Variants in QTMAN observed in about 807,000 individuals in gnomAD.
The protein encoded by QTMAN is queuosine-tRNA mannosyltransferase.
the QTMAN span, among the ~76,000 whole-genome samples, chr2:144,295,877 G>A: frequency 6.6e-6 from 1 of 151,924 alleles, no homozygotes; most frequent in Admixed American, 6.6e-5. Context: ...TAGGATGACG[G>A]GCATGAACCA....
chr2:144,210,531 G>A, the QTMAN span, among the ~76,000 whole-genome samples: 1 of 152,148 alleles, frequency 6.6e-6, no homozygotes, highest in Non-Finnish European at 1.5e-5. Flanking sequence ...TTCCTTGTCA[G>A]TAGCTTGCAT....
chr2:144,243,596 A>C, the QTMAN span, among the ~76,000 whole-genome samples: 1 of 152,250 alleles, frequency 6.6e-6, no homozygotes, highest in Non-Finnish European at 1.5e-5. Flanking sequence ...ACGACTTGAA[A>C]GGTCACTTGG....
the QTMAN span, among the ~76,000 whole-genome samples, chr2:144,164,122 C>A: frequency 4.0e-3 from 605 of 152,184 alleles, 5 homozygotes; most frequent in African/African-American, 0.014. Context: ...GGGGGTTTCA[C>A]CATATTGGCC....
the QTMAN span, among the ~76,000 whole-genome samples, chr2:144,021,941 C>A: frequency 6.6e-6 from 1 of 151,978 alleles, no homozygotes; most frequent in Non-Finnish European, 1.5e-5. Flanking sequence ...GTCAACAGAT[C>A]TCTCACATTT....
chr2:144,258,945 A>T, the QTMAN span, among the ~76,000 whole-genome samples: 1 of 152,224 alleles, frequency 6.6e-6, no homozygotes, highest in Non-Finnish European at 1.5e-5. Flanking sequence ...TTATCAAGTA[A>T]AAAGAAAAGA....
At chr2:143,957,974 C>A in the QTMAN span, among the ~76,000 whole-genome samples, 1 of 152,220 alleles carries the variant, frequency 6.6e-6, no homozygotes, top group South Asian at 2.1e-4. Flanking sequence ...CAAAATGATA[C>A]CTGCTCATCA....
At chr2:143,953,368 G>T in the QTMAN span, among the ~76,000 whole-genome samples, 241 of 151,884 alleles carry the variant, frequency 1.6e-3, no homozygotes, top group African/African-American at 5.5e-3. Flanking sequence ...AAAACAATTT[G>T]TTATTATGCA....
At chr2:144,062,733 A>G in the QTMAN span, among the ~76,000 whole-genome samples, 1 of 152,226 alleles carries the variant, frequency 6.6e-6, no homozygotes, top group African/African-American at 2.4e-5. Context: ...TTTCAATGCA[A>G]TAACTAGGTA....
chr2:144,245,205 G>A, the QTMAN span, among the ~76,000 whole-genome samples: 1 of 152,152 alleles, frequency 6.6e-6, no homozygotes, highest in African/African-American at 2.4e-5. Flanking sequence ...AAGCATCTTG[G>A]AAAGTAAAGA....
the QTMAN span, among the ~76,000 whole-genome samples, chr2:144,060,476 G>T: frequency 6.6e-6 from 1 of 152,090 alleles, no homozygotes; most frequent in East Asian, 1.9e-4. Flanking sequence ...GGCCAGGCTG[G>T]TCTCAAACTC....
the QTMAN span, among the ~76,000 whole-genome samples, chr2:144,035,160 AGT>A: frequency 1.3e-5 from 2 of 152,150 alleles, no homozygotes; most frequent in Admixed American, 1.3e-4. Flanking sequence ...GTCATTTAAA[AGT>A]GTGTGTCGTC....
the QTMAN span, among the ~76,000 whole-genome samples, chr2:144,192,701 TG>T: frequency 3.3e-5 from 5 of 152,250 alleles, no homozygotes; most frequent in African/African-American, 1.2e-4. Context: ...TCAGCATATT[TG>T]TAAGTTTCAA....
chr2:144,172,621 CAAA>C, the QTMAN span, among the ~76,000 whole-genome samples: 13 of 51,360 alleles, frequency 2.5e-4, no homozygotes, highest in African/African-American at 2.3e-4. Flanking sequence ...AAGACTCTGT[CAAA>C]AAAAAAAAAA....
the QTMAN span, chr2:144,177,192 C>T: frequency 1.3e-3 from 915 of 701,438 alleles, 1 homozygote; most frequent in Non-Finnish European, 1.8e-3. Context: ...AAATCCAAAC[C>T]ATATCCAGAC....
chr2:143,945,313 G>A, the QTMAN span: 6 of 152,326 alleles, frequency 3.9e-5, no homozygotes, highest in East Asian at 1.9e-4. Context: ...TCTGGGTGAC[G>A]AGGTAATTTG....
At chr2:143,951,196 G>A in the QTMAN span, among the ~76,000 whole-genome samples, 1 of 151,510 alleles carries the variant, frequency 6.6e-6, no homozygotes, top group South Asian at 2.1e-4. Context: ...CTGGAGTTAT[G>A]TAAAATGAAG....
the QTMAN span, among the ~76,000 whole-genome samples, chr2:144,092,522 A>G: frequency 1.3e-5 from 2 of 152,300 alleles, no homozygotes; most frequent in African/African-American, 4.8e-5. Context: ...ATTTACCTCA[A>G]TAAAGCTGTT....
the QTMAN span, among the ~76,000 whole-genome samples, chr2:144,181,860 GACATT>G: frequency 1.3e-5 from 2 of 152,024 alleles, no homozygotes; most frequent in African/African-American, 4.8e-5. Flanking sequence ...TGACAGTTAT[GACATT>G]ACATTATTTA....
the QTMAN span, among the ~76,000 whole-genome samples, chr2:144,127,249 T>G: frequency 1.3e-5 from 2 of 151,972 alleles, no homozygotes; most frequent in Non-Finnish European, 2.9e-5. Flanking sequence ...ACAGTGCTAA[T>G]GCTGAATAAC....
Sources: allele counts gnomAD v4.1 joint callset (sites outside exome capture counted in the v4.1 genomes callset), GRCh38; gene constraint gnomAD v4.1.1; transcripts MANE v1.5; gene names NCBI Gene and HGNC (gene_info 2026-07-23, HGNC 2026-07-21).